THSD7B: variants seen among roughly 807,000 people sequenced by gnomAD.
THSD7B encodes the protein thrombospondin type-1 domain-containing protein 7B.
Under a neutral mutation model 213.6 loss-of-function variants are expected in THSD7B, and 138 were observed. The ratio of observed to expected loss-of-function variants is 0.65; its 90% CI spans 0.56 to 0.74. THSD7B has a LOEUF of 0.74. THSD7B is among the 30% of genes least tolerant of loss of function. THSD7B has a pLI of 0.00. For missense variants in THSD7B, 1,931 were observed against 1,991.5 expected, an observed-to-expected ratio of 0.97 and a Z score of 0.58; for synonymous variants, 742 against 687.0, an observed-to-expected ratio of 1.08 and a Z score of -1.25.
At position 137,556,449 on chromosome 2, in the gene THSD7B, C is replaced by A. The variant is rs1264256947; in HGVS notation, c.3139-6772C>A. ...TTCATATCCAGCCAAACTAAGCTTCCTAAGTGAAGGAGAAATAAAATCCTT... is the reference window on the plus strand; with the variant it reads ...TTCATATCCAGCCAAACTAAGCTTCATAAGTGAAGGAGAAATAAAATCCTT... On this transcript the variant is annotated intron_variant, in intron 15 of 27. Coordinates refer to ENST00000409968, the MANE Select transcript of THSD7B (RefSeq NM_001316349.2). Among the ~76,000 whole-genome samples the A allele has an allele frequency of 1.1e-4, 17 of 152,104 alleles. No individual in the cohort carries two copies. The South Asian group carries it at 1.2e-3, about 11-fold the overall frequency.
At chr2:137,356,935 C>T (rs1433368929) in intron 12 of THSD7B, among the ~76,000 whole-genome samples, 1 of 131,240 alleles carries the variant, frequency 7.6e-6, no homozygotes, top group Non-Finnish European at 1.6e-5. Flanking sequence ...TTTTCCAAGA[C>T]ACACACACAC....
intron 9 of THSD7B, among the ~76,000 whole-genome samples, chr2:137,236,370 G>C (rs1210607131): frequency 6.6e-6 from 1 of 152,200 alleles, no homozygotes; most frequent in African/African-American, 2.4e-5. Context: ...TTGTACAGGT[G>C]AGACTGTTAC....
At chr2:136,781,335 G>A (rs931208621) in intron 1 of THSD7B, among the ~76,000 whole-genome samples, 9 of 149,590 alleles carry the variant, frequency 6.0e-5, no homozygotes, top group Non-Finnish European at 1.2e-4. Context: ...CCTGATCTCG[G>A]CTCACTGTAA....
chr2:136,878,044 A>G (rs577536021), intron 1 of THSD7B, among the ~76,000 whole-genome samples: 2 of 152,178 alleles, frequency 1.3e-5, no homozygotes, highest in East Asian at 1.9e-4. Flanking sequence ...TACATTAGGT[A>G]TATCTCCTAA....
intron 17 of THSD7B, among the ~76,000 whole-genome samples, chr2:137,607,759 T>C (rs1041145222): frequency 1.2e-4 from 18 of 152,196 alleles, no homozygotes; most frequent in African/African-American, 4.3e-4. Flanking sequence ...CAGCCTCGAT[T>C]TCTGTGATTG....
At chr2:137,632,826 A>G (rs918375394) in intron 20 of THSD7B, among the ~76,000 whole-genome samples, 6 of 152,188 alleles carry the variant, frequency 3.9e-5, no homozygotes, top group Admixed American at 6.6e-5. Flanking sequence ...TGTACCTGGC[A>G]GAGATGTGAT....
intron 2 of THSD7B, among the ~76,000 whole-genome samples, chr2:136,976,819 C>T (rs1685489337): frequency 6.6e-6 from 1 of 151,958 alleles, no homozygotes; most frequent in Non-Finnish European, 1.5e-5. Flanking sequence ...GACGGGGTTT[C>T]ACTGTGTTAG....
intron 12 of THSD7B, among the ~76,000 whole-genome samples, chr2:137,345,979 G>A (rs926417137): frequency 1.3e-5 from 2 of 151,592 alleles, no homozygotes; most frequent in Non-Finnish European, 3.0e-5. Context: ...TGGGGGAATA[G>A]GGGAGGGAGC....
intron 5 of THSD7B, among the ~76,000 whole-genome samples, chr2:137,127,081 A>T (rs1242036762): frequency 6.6e-6 from 1 of 152,206 alleles, no homozygotes; most frequent in Non-Finnish European, 1.5e-5. Context: ...ATAATGAAAA[A>T]GTGTGAAATA....
Position 136,778,861 on chromosome 2 carries a change from G to A in THSD7B, c.-36+13174G>A, listed in dbSNP as rs538663581. ...CAGACATTTACTAAATTCCTTCCCTGGGCCTATAAGTCAGCTCTAAGGTAA... is the reference window on the plus strand; with the variant it reads ...CAGACATTTACTAAATTCCTTCCCTAGGCCTATAAGTCAGCTCTAAGGTAA... On this transcript the variant is annotated intron_variant, in intron 1 of 27. Coordinates refer to ENST00000409968, the MANE Select transcript of THSD7B (RefSeq NM_001316349.2). Among the ~76,000 whole-genome samples the A allele has an allele frequency of 3.3e-5, 5 of 152,248 alleles. No individual in the cohort carries two copies. In the South Asian group the frequency reaches 8.3e-4, roughly 25 times the overall value.
intron 14 of THSD7B, among the ~76,000 whole-genome samples, chr2:137,432,115 A>T (rs989685426): frequency 1.3e-5 from 2 of 152,152 alleles, no homozygotes; most frequent in Admixed American, 6.5e-5. Context: ...GTCAGCGGCC[A>T]GGCGCGGTGG....
intron 2 of THSD7B, among the ~76,000 whole-genome samples, chr2:136,896,287 T>A (rs1385610646): frequency 6.6e-6 from 1 of 152,176 alleles, no homozygotes. Flanking sequence ...GTGAAATAGT[T>A]CCTCATTGTG....
intron 3 of THSD7B, among the ~76,000 whole-genome samples, chr2:137,067,076 C>T (rs1172131995): frequency 6.6e-6 from 1 of 152,072 alleles, no homozygotes; most frequent in African/African-American, 2.4e-5. Flanking sequence ...TTACAATACC[C>T]ATTTGTTCTT....
At chr2:137,554,197 G>A (rs1217518924) in intron 15 of THSD7B, among the ~76,000 whole-genome samples, 1 of 152,022 alleles carries the variant, frequency 6.6e-6, no homozygotes, top group Non-Finnish European at 1.5e-5. Context: ...CATGGAGTGG[G>A]ACTGTTTTCT....
intron 5 of THSD7B, among the ~76,000 whole-genome samples, chr2:137,131,831 T>A (rs926175971): frequency 5.8e-4 from 89 of 152,336 alleles, no homozygotes; most frequent in Middle Eastern, 3.4e-3. Flanking sequence ...CCAGCTTTGC[T>A]CTTTTGACTT....
chr2:137,572,896 C>T (rs1277379771), intron 17 of THSD7B, among the ~76,000 whole-genome samples: 1 of 151,852 alleles, frequency 6.6e-6, no homozygotes, highest in Admixed American at 6.6e-5. Context: ...TATCTTGGTC[C>T]TGTTCCATTT....
At position 137,367,020 on chromosome 2, in the gene THSD7B, C is replaced by T. The variant is rs142434625; in HGVS notation, c.2501-38593C>T. Among the ~76,000 whole-genome samples, 122 of 151,898 alleles carry T rather than the reference C, an allele frequency of 8.0e-4. 2 individuals carry two copies. In the East Asian group the frequency reaches 0.023, roughly 28 times the overall value. On this transcript the variant is annotated intron_variant, in intron 12 of 27. Coordinates refer to ENST00000409968, the MANE Select transcript of THSD7B (RefSeq NM_001316349.2). ...ATTACATCTTCAAGGTTAATATGTA[C>T]TCGTTTCAGACTTCATTCACCTGGG...
intron 2 of THSD7B, among the ~76,000 whole-genome samples, chr2:136,975,073 G>A (rs1553461740): frequency 7.2e-6 from 1 of 139,548 alleles, no homozygotes; most frequent in East Asian, 2.1e-4. Context: ...ATTCTTTTAA[G>A]TTCCTGGTAG....
chr2:137,503,135 C>T (rs1679748750), intron 15 of THSD7B, among the ~76,000 whole-genome samples: 1 of 152,084 alleles, frequency 6.6e-6, no homozygotes, highest in Non-Finnish European at 1.5e-5. Flanking sequence ...TGTAAGCAAG[C>T]ATACCATTGT....
Sources: gnomAD v4.1 joint callset for allele counts (sites outside exome capture counted in the v4.1 genomes callset) on GRCh38, gnomAD v4.1.1 for gene constraint, MANE v1.5 for transcripts, NCBI Gene and HGNC (gene_info 2026-07-23, HGNC 2026-07-21) for gene names.